Variants in COL25A1 observed in about 807,000 individuals in gnomAD.
The protein encoded by COL25A1 is collagen type XXV alpha 1 chain.
COL25A1 carries 103 observed loss-of-function variants against 128.4 expected under a neutral mutation model. The ratio of observed to expected loss-of-function variants is 0.80; its 90% CI spans 0.68 to 0.94. The LOEUF is 0.94. COL25A1 is among the 40% of genes least tolerant of loss of function. The probability of loss-of-function intolerance (pLI) is 0.00; values close to 1 mark genes in which losing one functional copy is unlikely to be tolerated. For synonymous variants in COL25A1, 279 were observed against 277.2 expected (o/e 1.01, Z -0.06); for missense variants, 745 against 840.0 (o/e 0.89, Z 1.40).
At chr4:108,887,645 G>A (rs1740987909) in intron 18 of COL25A1, among the ~76,000 whole-genome samples, 1 of 152,110 alleles carries the variant, frequency 6.6e-6, no homozygotes. Context: ...GCAATGCAAA[G>A]GAAATCCAGT....
intron 3 of COL25A1, among the ~76,000 whole-genome samples, chr4:109,261,176 C>T (rs1781419644): frequency 6.6e-6 from 1 of 152,118 alleles, no homozygotes; most frequent in African/African-American, 2.4e-5. Context: ...CACAGTTTAA[C>T]TCTAGACATT....
chr4:108,889,625 A>G, intron 17 of COL25A1, 76 bp downstream of exon 17: 2 of 1,292,328 alleles, frequency 1.5e-6, no homozygotes, highest in South Asian at 1.2e-5. Context: ...GTTGCTAAAA[A>G]GGGAGAGAAA....
chr4:109,030,614 C>A (rs1758753508), intron 5 of COL25A1, among the ~76,000 whole-genome samples: 1 of 152,220 alleles, frequency 6.6e-6, no homozygotes, highest in African/African-American at 2.4e-5. Context: ...TGTAGACTCT[C>A]TGGTCTGTAT....
chr4:109,253,906 T>C (rs1052814079), intron 3 of COL25A1, among the ~76,000 whole-genome samples: 1 of 151,988 alleles, frequency 6.6e-6, no homozygotes, highest in African/African-American at 2.4e-5. Context: ...GCTAACACGG[T>C]GAAACCCTGT....
In COL25A1 at chr4:108,813,594, C is replaced by A. The variant is rs1236518145; in HGVS notation, c.*333G>T. 2.7e-5 allele frequency: 7 copies of A among 257,708 alleles called. No homozygotes were observed. Among genetic ancestry groups the A allele is most frequent in the Admixed American group, 5.0e-5 (1 of 20,142 alleles). The allele number at this position is 257,708 out of a possible 1,614,324, so 16.0% of individuals were successfully genotyped here. On this transcript the variant is annotated 3_prime_UTR_variant, in exon 38 of 38. Coordinates refer to ENST00000399132, the MANE Select transcript of COL25A1 (RefSeq NM_198721.4). ...ATTTCATGTAAACTATTTCATGGCA[C>A]TTTTTGTCCATGCAATTAGCAAGCC...
chr4:109,088,858 A>G (rs1200255259), intron 3 of COL25A1, among the ~76,000 whole-genome samples: 2 of 152,234 alleles, frequency 1.3e-5, no homozygotes, highest in Non-Finnish European at 2.9e-5. Context: ...GAATAAAGAC[A>G]GTGATTATAG....
intron 3 of COL25A1, among the ~76,000 whole-genome samples, chr4:109,214,719 C>G (rs1006461238): frequency 6.6e-6 from 1 of 152,036 alleles, no homozygotes; most frequent in African/African-American, 2.4e-5. Context: ...CAGGAACCAT[C>G]TACCCTGTGC....
chr4:108,998,561 A>G (rs972396216), intron 6 of COL25A1, among the ~76,000 whole-genome samples: 1 of 152,218 alleles, frequency 6.6e-6, no homozygotes, highest in African/African-American at 2.4e-5. Flanking sequence ...TATAGATTCA[A>G]TGCTATCCCC....
intron 16 of COL25A1, among the ~76,000 whole-genome samples, chr4:108,891,728 C>A (rs1741534887): frequency 6.7e-6 from 1 of 149,324 alleles, no homozygotes. Flanking sequence ...TTTTTTAATA[C>A]AAAAAAATTG....
At chr4:108,901,953 C>A (rs1255628103) in intron 13 of COL25A1, among the ~76,000 whole-genome samples, 1 of 152,034 alleles carries the variant, frequency 6.6e-6, no homozygotes, top group Non-Finnish European at 1.5e-5. Context: ...TTCCATGTGG[C>A]TCAAACTTAC....
intron 3 of COL25A1, among the ~76,000 whole-genome samples, chr4:109,162,542 G>A (rs1478448211): frequency 6.6e-6 from 1 of 152,166 alleles, no homozygotes; most frequent in Non-Finnish European, 1.5e-5. Context: ...CTTGGCTTTT[G>A]TTGGTCTCCC....
intron 5 of COL25A1, among the ~76,000 whole-genome samples, chr4:109,036,903 G>A (rs1422131041): frequency 6.6e-6 from 1 of 152,172 alleles, no homozygotes. Context: ...ATGCTCTCTG[G>A]AAGGGAGCAA....
chr4:109,090,585 T>A (rs1191285403), intron 3 of COL25A1, among the ~76,000 whole-genome samples: 1 of 152,230 alleles, frequency 6.6e-6, no homozygotes, highest in Non-Finnish European at 1.5e-5. Flanking sequence ...TTATGTTATG[T>A]CTAAATGTCT....
intron 3 of COL25A1, among the ~76,000 whole-genome samples, chr4:109,068,433 C>CAGG (rs1762643567): frequency 6.6e-6 from 1 of 151,362 alleles, no homozygotes; most frequent in Admixed American, 6.6e-5. Context: ...GGGAGGGAAG[C>CAGG]AGGGAAGAGG....
intron 31 of COL25A1, chr4:108,832,671 A>G (rs1733281190): frequency 5.1e-6 from 2 of 395,056 alleles, no homozygotes; most frequent in South Asian, 6.0e-5. Flanking sequence ...GCTGCATATC[A>G]TATTTAATTA....
intron 8 of COL25A1, among the ~76,000 whole-genome samples, chr4:108,972,681 T>C (rs1318433104): frequency 9.2e-5 from 14 of 152,300 alleles, no homozygotes; most frequent in African/African-American, 3.4e-4. Context: ...GATCACTTTT[T>C]GCCACTTTCC....
At chr4:109,179,442 A>G (rs1006107186) in intron 3 of COL25A1, among the ~76,000 whole-genome samples, 2 of 152,228 alleles carry the variant, frequency 1.3e-5, no homozygotes, top group Non-Finnish European at 2.9e-5. Flanking sequence ...TCGTGATCCT[A>G]AACACTTGCT....
chr4:109,133,674 ACT>A (rs1347926509), intron 3 of COL25A1, among the ~76,000 whole-genome samples: 2 of 152,180 alleles, frequency 1.3e-5, no homozygotes, highest in African/African-American at 4.8e-5. Flanking sequence ...TTACTGCAAC[ACT>A]CTGTGTGCAG....
chr4:109,132,805 C>A (rs1769353686), intron 3 of COL25A1, among the ~76,000 whole-genome samples: 1 of 151,892 alleles, frequency 6.6e-6, no homozygotes, highest in Non-Finnish European at 1.5e-5. Context: ...ATTCTGTAAA[C>A]CTTCTAGATT....
Sources: allele counts gnomAD v4.1 joint callset (sites outside exome capture counted in the v4.1 genomes callset), GRCh38; gene constraint gnomAD v4.1.1; transcripts MANE v1.5; gene names NCBI Gene and HGNC (gene_info 2026-07-23, HGNC 2026-07-21).